Variants in TRPC5 observed in about 807,000 individuals in gnomAD.
TRPC5 encodes transient receptor potential cation channel subfamily C member 5.
In TRPC5, 9 loss-of-function variants were observed where a neutral mutation model predicts 56.5. The observed-to-expected ratio is 0.16, with a 90% CI of 0.10 to 0.28. TRPC5 has a LOEUF of 0.28. Ranked by LOEUF, TRPC5 falls within the 10% of genes least tolerant of loss-of-function variation. The pLI, the probability that TRPC5 is intolerant of heterozygous loss-of-function variation, is 1.00. For missense variants in TRPC5, 469 were observed against 748.9 expected (o/e 0.63, Z 4.36); for synonymous variants, 282 against 278.5 (o/e 1.01, Z -0.13).
intron 1 of TRPC5, among the ~76,000 whole-genome samples, chrX:112,056,634 G>A (rs186270426): frequency 8.9e-6 from 1 of 112,501 alleles, no homozygotes; most frequent in African/African-American, 3.2e-5. Context: ...GCTTAGCAAT[G>A]TATGAAAATT....
intron 7 of TRPC5, among the ~76,000 whole-genome samples, chrX:111,819,372 G>T (rs1921963424): frequency 9.0e-6 from 1 of 111,543 alleles, no homozygotes; most frequent in Admixed American, 9.5e-5. Context: ...TAGCAGATGT[G>T]GTACTCCTGA....
chrX:111,776,769 A>G lies in TRPC5; in HGVS notation c.2466T>C (p.Gly822=). The G allele has an allele frequency of 8.3e-7, 1 of 1,209,720 alleles. No individual in the cohort carries two copies. The change falls in exon 11 of 11, where the codon GGT becomes GGC. Residue 822 remains glycine (G), a synonymous_variant. Transcript: ENST00000262839. ...PLIRTMPRSS[G]AQGKSKAESS... The stretch of plus-strand genomic sequence containing the variant: ...ACTCAGCTTTTGACTTTCCTTGGGC[A>G]CCACTGGACCTTGGCATGGTTCTGA...
chrX:111,799,162 T>TTCTTTTGTGCTGGGCTTATGATCAAGAC (rs1921219825), intron 7 of TRPC5, among the ~76,000 whole-genome samples: 1 of 87,324 alleles, frequency 1.1e-5, no homozygotes, highest in Non-Finnish European at 1.9e-5. Context: ...GCTAACTCTA[T>TTCTTTTGTGCTGGGCTTATGATCAAGAC]TCTTTTGTGC....
At chrX:111,882,652 G>A (rs989691023) in intron 3 of TRPC5, among the ~76,000 whole-genome samples, 1 of 112,923 alleles carries the variant, frequency 8.9e-6, no homozygotes, top group African/African-American at 3.2e-5. Flanking sequence ...GCCTAGTTAA[G>A]GCTTGCTCAG....
chrX:111,798,190 C>T (rs1048625669), intron 7 of TRPC5, among the ~76,000 whole-genome samples: 2 of 111,441 alleles, frequency 1.8e-5, no homozygotes, highest in African/African-American at 6.5e-5. Flanking sequence ...TACATGGCAC[C>T]ATTTGCAGTT....
intron 1 of TRPC5, among the ~76,000 whole-genome samples, chrX:112,074,307 A>G (rs967569555): frequency 6.6e-5 from 7 of 106,804 alleles, no homozygotes; most frequent in African/African-American, 2.4e-4. Flanking sequence ...TATTATATAT[A>G]TATATATATT....
chrX:112,080,395 TACAC>T (rs201063739), intron 1 of TRPC5, among the ~76,000 whole-genome samples: 3,988 of 79,063 alleles, frequency 0.05, 75 homozygotes, highest in African/African-American at 0.06. Context: ...AAAAACTACA[TACAC>T]ACACACACAC....
At chrX:111,935,970 CAT>C (rs1926560315) in intron 2 of TRPC5, among the ~76,000 whole-genome samples, 1 of 111,520 alleles carries the variant, frequency 9.0e-6, no homozygotes, top group Non-Finnish European at 1.9e-5. Context: ...TTGTTCTAAA[CAT>C]ATTTTAGGAT....
intron 3 of TRPC5, among the ~76,000 whole-genome samples, chrX:111,891,398 T>C (rs1924796801): frequency 8.9e-6 from 1 of 111,939 alleles, no homozygotes; most frequent in Non-Finnish European, 1.9e-5. Context: ...GACTTTTTAA[T>C]AGGAGCCAAG....
At chrX:111,982,385 G>T (rs1174485432) in intron 1 of TRPC5, among the ~76,000 whole-genome samples, 1 of 111,322 alleles carries the variant, frequency 9.0e-6, no homozygotes, top group Non-Finnish European at 1.9e-5. Flanking sequence ...ATCTCAGCTG[G>T]TCACGGTTGT....
intron 6 of TRPC5, among the ~76,000 whole-genome samples, chrX:111,843,666 G>A (rs758831993): frequency 9.0e-6 from 1 of 111,415 alleles, no homozygotes; most frequent in Admixed American, 9.6e-5. Context: ...TAAAGGGGCA[G>A]GATTTTATGG....
At chrX:111,872,836 G>A (rs1603066868) in intron 3 of TRPC5, among the ~76,000 whole-genome samples, 2 of 111,891 alleles carry the variant, frequency 1.8e-5, no homozygotes, top group Admixed American at 9.5e-5. Flanking sequence ...TCAGAATGGC[G>A]ATTATTAAAA....
At chrX:111,919,738 AAAG>A (rs1267671774) in intron 2 of TRPC5, among the ~76,000 whole-genome samples, 2 of 111,868 alleles carry the variant, frequency 1.8e-5, no homozygotes, top group Non-Finnish European at 3.8e-5. Context: ...GCCCACATTG[AAAG>A]AAGAAGAATT....
At chrX:111,958,173 A>T (rs1277301992) in intron 1 of TRPC5, among the ~76,000 whole-genome samples, 2 of 111,771 alleles carry the variant, frequency 1.8e-5, no homozygotes, top group African/African-American at 6.5e-5. Flanking sequence ...ATAAAGCTGC[A>T]CATTTTCCTT....
chrX:112,013,144 G>GTTAT (rs201595579), intron 1 of TRPC5, among the ~76,000 whole-genome samples: 2 of 105,457 alleles, frequency 1.9e-5, no homozygotes, highest in Admixed American at 1.0e-4. Context: ...TGTTGTTGTT[G>GTTAT]TTATTTATTT....
At chrX:111,994,310 G>A (rs979139962) in intron 1 of TRPC5, among the ~76,000 whole-genome samples, 1 of 111,701 alleles carries the variant, frequency 9.0e-6, no homozygotes, top group Non-Finnish European at 1.9e-5. Context: ...CCGTAGCCTT[G>A]TAGTATAGTT....
intron 7 of TRPC5, among the ~76,000 whole-genome samples, chrX:111,824,254 G>T (rs904190377): frequency 1.9e-5 from 2 of 104,616 alleles, no homozygotes; most frequent in African/African-American, 3.5e-5. Context: ...AAAAAAATGT[G>T]TACCCTTGGG....
At chrX:111,842,136 A>ATATATATATTTTATATATATATATAT (rs1556566937) in intron 6 of TRPC5, among the ~76,000 whole-genome samples, 1 of 89,113 alleles carries the variant, frequency 1.1e-5, no homozygotes, top group African/African-American at 5.9e-5. Flanking sequence ...ATATATGTAT[A>ATATATATATTTTATATATATATATAT]TATATATATA....
intron 2 of TRPC5, chrX:111,931,149 T>C (rs1569528250): frequency 9.3e-6 from 1 of 107,073 alleles, no homozygotes; most frequent in Non-Finnish European, 1.9e-5. Flanking sequence ...GAACATTTGT[T>C]AAAAAAAAAA....
Sources: gnomAD v4.1 joint callset for allele counts (sites outside exome capture counted in the v4.1 genomes callset) on GRCh38, gnomAD v4.1.1 for gene constraint, MANE v1.5 for transcripts, NCBI Gene and HGNC (gene_info 2026-07-23, HGNC 2026-07-21) for gene names.